HS6ST2: variants seen among roughly 807,000 people sequenced by gnomAD.
HS6ST2 encodes heparan-sulfate 6-O-sulfotransferase 2.
A neutral mutation model predicts 33.0 loss-of-function variants in HS6ST2; 17 were observed. The ratio of observed to expected loss-of-function variants is 0.52; its 90% CI spans 0.35 to 0.77. The LOEUF (loss-of-function observed/expected upper bound fraction) is 0.77. HS6ST2 is among the 30% of genes least tolerant of loss of function. The probability of loss-of-function intolerance (pLI) is 0.01; values close to 1 mark genes in which losing one functional copy is unlikely to be tolerated. For missense variants in HS6ST2, 519 were observed against 551.7 expected, an observed-to-expected ratio of 0.94 and a Z score of 0.59; for synonymous variants, 248 against 237.1, an observed-to-expected ratio of 1.05 and a Z score of -0.42.
chrX:132,943,581 A>G (rs898485768), intron 2 of HS6ST2, among the ~76,000 whole-genome samples: 2 of 111,370 alleles, frequency 1.8e-5, no homozygotes, highest in Non-Finnish European at 3.8e-5. Flanking sequence ...ACCAATATCC[A>G]TGATGAACAT....
chrX:132,856,468 T>G (rs928486296), intron 2 of HS6ST2, among the ~76,000 whole-genome samples: 1 of 111,690 alleles, frequency 9.0e-6, no homozygotes, highest in Non-Finnish European at 1.9e-5. Context: ...AACTGAAACT[T>G]AAACAATGTG....
Position 132,652,828 on chromosome X carries a change from G to A in HS6ST2, c.1067+16285C>T, listed in dbSNP as rs112672609. 6.3e-5 allele frequency among the ~76,000 whole-genome samples: 7 copies of A among 110,607 alleles called. No homozygotes were observed. In the Middle Eastern group the frequency reaches 0.019, roughly 293 times the overall value. ...AATCAGTGTGATCAAATTAAAACAG[G>A]CCACTAAGACATACCATCCTGATTA... On this transcript the variant is annotated intron_variant, in intron 4 of 4. Transcript: ENST00000370833.
intron 2 of HS6ST2, among the ~76,000 whole-genome samples, chrX:132,725,323 A>G (rs1290828813): frequency 8.9e-6 from 1 of 112,264 alleles, no homozygotes; most frequent in Non-Finnish European, 1.9e-5. Context: ...AGTTTACAGA[A>G]AAATCTAATA....
intron 2 of HS6ST2, among the ~76,000 whole-genome samples, chrX:132,851,473 G>A (rs1163178831): frequency 8.9e-6 from 1 of 112,476 alleles, no homozygotes; most frequent in Non-Finnish European, 1.9e-5. Flanking sequence ...CTCAACTTCA[G>A]GGTTGTTGTA....
At chrX:132,890,533 C>A (rs1217446881) in intron 2 of HS6ST2, among the ~76,000 whole-genome samples, 2 of 109,329 alleles carry the variant, frequency 1.8e-5, no homozygotes, top group African/African-American at 6.7e-5. Context: ...GAGCTGTTTC[C>A]ATGTTGAATC....
intron 3 of HS6ST2, among the ~76,000 whole-genome samples, chrX:132,681,033 G>T (rs2148218595): frequency 1.8e-5 from 2 of 108,467 alleles, no homozygotes; most frequent in South Asian, 4.1e-4. Context: ...CTTGTGTTTT[G>T]GGTTTCCAGC....
intron 2 of HS6ST2, among the ~76,000 whole-genome samples, chrX:132,904,778 T>A (rs921581878): frequency 9.3e-6 from 1 of 108,022 alleles, no homozygotes; most frequent in African/African-American, 3.4e-5. Flanking sequence ...TCCTCCCACA[T>A]TGGCCTCCCA....
intron 2 of HS6ST2, among the ~76,000 whole-genome samples, chrX:132,835,062 C>T (rs1370292157): frequency 8.9e-6 from 1 of 111,772 alleles, no homozygotes; most frequent in East Asian, 2.8e-4. Context: ...TAAAAATAAG[C>T]ATTTAAAAAG....
Position 132,628,700 on chromosome X carries a change from G to T in HS6ST2, c.1461C>A (p.Thr487=). The change falls in exon 5 of 5, where the codon ACC becomes ACA. Residue 487 remains threonine, a synonymous_variant. Coordinates refer to ENST00000370833, the MANE Select transcript of HS6ST2 (RefSeq NM_001394073.1). ...ATGGCGAAATAAAGTTCATGTTGAA[G>T]GTTTTCTCAAACAGATATTGGGTCT... The part of the protein sequence containing the change: ...QRKTQYLFEK[T]FNMNFISPFT... 8.3e-7 allele frequency: 1 copy of T among 1,211,565 alleles called. No individual in the cohort carries two copies. Among genetic ancestry groups the T allele is most frequent in the Non-Finnish European group, 1.1e-6 (1 of 895,358 alleles).
At chrX:132,737,058 T>C (rs765410210) in intron 2 of HS6ST2, among the ~76,000 whole-genome samples, 1 of 111,873 alleles carries the variant, frequency 8.9e-6, no homozygotes, top group East Asian at 2.8e-4. Context: ...AGCTGTAAGG[T>C]ACCACTGAGC....
chrX:132,747,618 C>T (rs1033344947), intron 2 of HS6ST2, among the ~76,000 whole-genome samples: 2 of 110,826 alleles, frequency 1.8e-5, no homozygotes, highest in Non-Finnish European at 3.8e-5. Flanking sequence ...GAGCAAGTCC[C>T]TCCCTCTCTG....
chrX:132,637,243 G>A (rs999059152), intron 4 of HS6ST2, among the ~76,000 whole-genome samples: 2 of 111,965 alleles, frequency 1.8e-5, no homozygotes, highest in Non-Finnish European at 3.8e-5. Context: ...CTGCATTTTG[G>A]GAAGCCCATC....
intron 2 of HS6ST2, among the ~76,000 whole-genome samples, chrX:132,740,411 T>C (rs1301210337): frequency 9.0e-6 from 1 of 111,621 alleles, no homozygotes; most frequent in East Asian, 2.8e-4. Context: ...ATTTTCTGAA[T>C]GAGCTGAACC....
At chrX:132,726,083 G>T (rs2064389048) in intron 2 of HS6ST2, among the ~76,000 whole-genome samples, 1 of 111,012 alleles carries the variant, frequency 9.0e-6, no homozygotes, top group Admixed American at 9.6e-5. Context: ...GAATGAATAA[G>T]ACCTAGTATT....
chrX:132,789,042 C>T (rs1037165189), intron 2 of HS6ST2, among the ~76,000 whole-genome samples: 5 of 112,597 alleles, frequency 4.4e-5, no homozygotes, highest in Admixed American at 2.8e-4. Context: ...CCAGAAGACA[C>T]AGGTAAGATC....
intron 3 of HS6ST2, among the ~76,000 whole-genome samples, chrX:132,703,815 T>A (rs2064164987): frequency 8.9e-6 from 1 of 112,269 alleles, no homozygotes. Context: ...CTGTCTTATT[T>A]CCCTTAAGTT....
chrX:132,787,032 G>A lies in HS6ST2; in HGVS notation c.948-78538C>T, dbSNP rs182272585. Among the ~76,000 whole-genome samples the A allele has an allele frequency of 1.7e-3, 172 of 104,143 alleles. 1 individual carries two copies. Among genetic ancestry groups the A allele is most frequent in the Admixed American group, 0.016 (151 of 9,184 alleles). The allele number at this position is 104,143 out of a possible 115,157, so 90.4% of individuals were successfully genotyped here. ...CCTCTTAGCTCCTAATCATTTTCAC[G>A]TCTCAAATTAAACATAAATCCCAAG... is the stretch of plus-strand genomic sequence containing the variant. On this transcript the variant is annotated intron_variant, in intron 2 of 4. Coordinates refer to ENST00000370833, the MANE Select transcript of HS6ST2 (RefSeq NM_001394073.1).
intron 2 of HS6ST2, among the ~76,000 whole-genome samples, chrX:132,794,574 G>GATGATGATGATGATT (rs916088563): frequency 1.0e-3 from 99 of 99,066 alleles, no homozygotes; most frequent in South Asian, 3.4e-3. Context: ...TGATGATGAT[G>GATGATGATGATGATT]ATTATTATTA....
At chrX:132,667,566 A>C (rs1304129136) in intron 4 of HS6ST2, 2 of 112,222 alleles carry the variant, frequency 1.8e-5, no homozygotes, top group Non-Finnish European at 3.8e-5. Context: ...TTGTAGCTCA[A>C]ATGGAGATTC....
Sources: gnomAD v4.1 joint callset for allele counts (sites outside exome capture counted in the v4.1 genomes callset) on GRCh38, gnomAD v4.1.1 for gene constraint, MANE v1.5 for transcripts, NCBI Gene and HGNC (gene_info 2026-07-23, HGNC 2026-07-21) for gene names.